The following MGMT variants were observed in gnomAD, a reference collection of about 807,000 sequenced individuals.
MGMT encodes methylated-DNA--protein-cysteine methyltransferase.
MGMT carries 14 observed loss-of-function variants against 15.9 expected under a neutral mutation model. The ratio of observed to expected loss-of-function variants is 0.88; its 90% CI spans 0.58 to 1.37. MGMT has a LOEUF of 1.37. Ranked by LOEUF, MGMT falls within the 40% of genes most tolerant of loss-of-function variation. The pLI, the probability that MGMT is intolerant of heterozygous loss-of-function variation, is 0.00. For synonymous variants in MGMT, 130 were observed against 118.2 expected, an observed-to-expected ratio of 1.10 and a Z score of -0.65; for missense variants, 282 against 268.1, an observed-to-expected ratio of 1.05 and a Z score of -0.36.
intron 1 of MGMT, among the ~76,000 whole-genome samples, chr10:129,503,353 G>A (rs1029081130): frequency 2.6e-5 from 4 of 152,100 alleles, no homozygotes; most frequent in South Asian, 2.1e-4. Flanking sequence ...ATAAACCTCC[G>A]TTTTCAAATA....
At chr10:129,521,064 C>T (rs965814410) in intron 1 of MGMT, among the ~76,000 whole-genome samples, 2 of 152,242 alleles carry the variant, frequency 1.3e-5, no homozygotes, top group Middle Eastern at 3.4e-3. Context: ...GTCAGATGTC[C>T]GGGTGCCCAG....
At chr10:129,690,454 C>T (rs1847956690) in intron 2 of MGMT, among the ~76,000 whole-genome samples, 1 of 152,170 alleles carries the variant, frequency 6.6e-6, no homozygotes, top group Non-Finnish European at 1.5e-5. Flanking sequence ...CTGCGGCGTC[C>T]ATTGCTGTGA....
At chr10:129,692,719 A>G (rs1847983674) in intron 2 of MGMT, among the ~76,000 whole-genome samples, 1 of 152,144 alleles carries the variant, frequency 6.6e-6, no homozygotes, top group African/African-American at 2.4e-5. Context: ...TTGCAGTGGA[A>G]GGAAGGGGAA....
intron 2 of MGMT, among the ~76,000 whole-genome samples, chr10:129,699,190 C>T (rs555256303): frequency 6.6e-6 from 1 of 152,108 alleles, no homozygotes; most frequent in East Asian, 1.9e-4. Context: ...GGTAAATAGG[C>T]TTTTTAAGGC....
At chr10:129,522,961 C>T (rs1341437524) in intron 1 of MGMT, among the ~76,000 whole-genome samples, 1 of 152,250 alleles carries the variant, frequency 6.6e-6, no homozygotes, top group Non-Finnish European at 1.5e-5. Flanking sequence ...TGAAACTTCA[C>T]CCAACTTTAG....
chr10:129,477,761 T>G (rs562826258), intron 1 of MGMT, among the ~76,000 whole-genome samples: 12 of 152,304 alleles, frequency 7.9e-5, no homozygotes, highest in African/African-American at 2.9e-4. Flanking sequence ...AGTCTGGTAT[T>G]TTGTTACGGC....
At position 129,645,784 on chromosome 10, in the gene MGMT, G is replaced by A. The variant is rs375289392; in HGVS notation, c.126-62111G>A. On this transcript the variant is annotated intron_variant, in intron 2 of 4. Transcript: ENST00000651593. ...CAGCGGCGGTGTTACTTTCCAGCCT[G>A]GGGATGACTTTATGGCGTGATGTCT... 1.6e-4 allele frequency among the ~76,000 whole-genome samples: 24 copies of A among 152,326 alleles called. No individual in the cohort carries two copies. In the South Asian group the frequency reaches 4.8e-3, roughly 30 times the overall value.
chr10:129,759,894 T>C (rs1848852369), intron 4 of MGMT, among the ~76,000 whole-genome samples: 1 of 152,180 alleles, frequency 6.6e-6, no homozygotes, highest in South Asian at 2.1e-4. Context: ...CAGGAGGCCT[T>C]GCAGCATGGG....
At position 129,535,141 on chromosome 10, in the gene MGMT, G is replaced by A. The variant is rs560879422; in HGVS notation, c.-12-1100G>A. Among the ~76,000 whole-genome samples the A allele has an allele frequency of 1.5e-3, 236 of 152,284 alleles. 1 individual carries two copies. Among genetic ancestry groups the A allele is most frequent in the African/African-American group, 5.2e-3 (216 of 41,550 alleles). On this transcript the variant is annotated intron_variant, in intron 1 of 4. Transcript: ENST00000651593. ...TTGTTGTTCTCAGTGAACTTTGAGG[G>A]CTGATGGTTGGGTTGGAGTGGAAAG...
chr10:129,646,242 G>T (rs768713880), intron 2 of MGMT, among the ~76,000 whole-genome samples: 32 of 152,116 alleles, frequency 2.1e-4, no homozygotes, highest in Non-Finnish European at 3.5e-4. Flanking sequence ...AGTGAAGACA[G>T]ATCGCCTGGG....
At chr10:129,572,205 T>C (rs1203430319) in intron 2 of MGMT, among the ~76,000 whole-genome samples, 1 of 152,196 alleles carries the variant, frequency 6.6e-6, no homozygotes, top group Non-Finnish European at 1.5e-5. Context: ...TGGGATTTGT[T>C]AAGATCAAGT....
chr10:129,523,601 T>C (rs1023523404), intron 1 of MGMT, among the ~76,000 whole-genome samples: 3 of 152,066 alleles, frequency 2.0e-5, no homozygotes, highest in Non-Finnish European at 2.9e-5. Flanking sequence ...CACACAAGAC[T>C]TGGGGTTCCC....
chr10:129,743,000 T>TA (rs56337638), intron 3 of MGMT, among the ~76,000 whole-genome samples: 9 of 151,980 alleles, frequency 5.9e-5, no homozygotes, highest in African/African-American at 1.2e-4. Flanking sequence ...TGGTAAACGA[T>TA]AAAAAAACGG....
chr10:129,611,330 C>A (rs1316771897), intron 2 of MGMT, among the ~76,000 whole-genome samples: 1 of 152,178 alleles, frequency 6.6e-6, no homozygotes, highest in Non-Finnish European at 1.5e-5. Flanking sequence ...AACACATCCT[C>A]ATGGATGGAG....
chr10:129,503,689 G>T (rs1845597523), intron 1 of MGMT, among the ~76,000 whole-genome samples: 1 of 152,170 alleles, frequency 6.6e-6, no homozygotes, highest in Admixed American at 6.5e-5. Context: ...ATTGTGTTAT[G>T]CCTAGTTGCA....
At position 129,556,485 on chromosome 10, in the gene MGMT, G is replaced by A. The variant is rs575377283; in HGVS notation, c.125+20108G>A. Among the ~76,000 whole-genome samples the A allele has an allele frequency of 2.1e-4, 32 of 152,268 alleles. No individual in the cohort carries two copies. The highest frequency in any genetic ancestry group is 7.2e-4 in the African/African-American group (30 of 41,554). ...AAAACCAGCTGTGCCTACACCTTGG[G>A]TTCAGACTTGCAGCACCCAGGCTGC... On this transcript the variant is annotated intron_variant, in intron 2 of 4. Transcript: ENST00000651593. This position sits in a 1 kb window ranked among gnomAD's most constrained non-coding sequence, Gnocchi z 4.3.
intron 3 of MGMT, among the ~76,000 whole-genome samples, chr10:129,729,239 G>A (rs530002906): frequency 9.2e-5 from 14 of 152,136 alleles, no homozygotes; most frequent in South Asian, 4.1e-4. Context: ...TGTGAAAAAC[G>A]AAAGGGCCCC....
intron 1 of MGMT, among the ~76,000 whole-genome samples, chr10:129,499,510 T>G (rs1389838850): frequency 2.0e-5 from 3 of 152,238 alleles, no homozygotes; most frequent in Non-Finnish European, 4.4e-5. Context: ...TTAATAGCAT[T>G]TTCTGCTAAT....
intron 3 of MGMT, among the ~76,000 whole-genome samples, chr10:129,753,090 A>G (rs944197860): frequency 2.0e-5 from 3 of 152,192 alleles, no homozygotes; most frequent in African/African-American, 7.2e-5. Context: ...ATTCTTAAAC[A>G]TCGGATATAG....
Sources: allele counts gnomAD v4.1 joint callset (sites outside exome capture counted in the v4.1 genomes callset), GRCh38; gene constraint gnomAD v4.1.1; non-coding constraint Gnocchi (gnomAD v3.1); transcripts MANE v1.5; gene names NCBI Gene and HGNC (gene_info 2026-07-23, HGNC 2026-07-21).